Variants in MYO16 observed in about 807,000 individuals in gnomAD.
MYO16 encodes the protein unconventional myosin-XVI.
A neutral mutation model predicts 205.3 loss-of-function variants in MYO16; 94 were observed. The observed-to-expected ratio is 0.46, with a 90% CI of 0.39 to 0.54. The LOEUF (loss-of-function observed/expected upper bound fraction) is 0.54. Ranked by LOEUF, MYO16 falls within the 20% of genes least tolerant of loss-of-function variation. The pLI is 0.00. For missense variants in MYO16, 2,315 were observed against 2,387.5 expected (o/e 0.97, Z 0.63); for synonymous variants, 988 against 954.0 (o/e 1.04, Z -0.66).
chr13:109,145,698 C>T (rs886819038), intron 32 of MYO16, among the ~76,000 whole-genome samples: 4 of 152,198 alleles, frequency 2.6e-5, no homozygotes, highest in Admixed American at 2.0e-4. Context: ...CTATGAGACC[C>T]GATTCAAATG....
chr13:109,025,005 G>A (rs1022940784), intron 23 of MYO16, among the ~76,000 whole-genome samples: 1 of 152,180 alleles, frequency 6.6e-6, no homozygotes, highest in African/African-American at 2.4e-5. Flanking sequence ...TTGGACAATA[G>A]GAGGAACATT....
At chr13:108,638,413 T>C (rs1037691049) in intron 1 of MYO16, among the ~76,000 whole-genome samples, 3 of 152,200 alleles carry the variant, frequency 2.0e-5, no homozygotes, top group African/African-American at 7.2e-5. Flanking sequence ...TTTTAAAAAA[T>C]TCATTGCTTC....
At chr13:108,516,591 G>A in the MYO16 span, among the ~76,000 whole-genome samples, 3 of 152,266 alleles carry the variant, frequency 2.0e-5, no homozygotes, top group South Asian at 4.1e-4. Flanking sequence ...ACAGGCACAC[G>A]TAACAAATTA....
intron 34 of MYO16, among the ~76,000 whole-genome samples, chr13:109,182,730 T>C (rs1879506329): frequency 6.6e-6 from 1 of 152,244 alleles, no homozygotes. Context: ...CATTTTCTGA[T>C]AGGGCTGGAG....
At chr13:108,839,420 A>T (rs908507889) in intron 9 of MYO16, among the ~76,000 whole-genome samples, 2 of 151,246 alleles carry the variant, frequency 1.3e-5, no homozygotes, top group Non-Finnish European at 2.9e-5. Flanking sequence ...TTTCATAGTA[A>T]TTTTTTTTTC....
At chr13:108,775,820 A>G (rs1037082477) in intron 4 of MYO16, among the ~76,000 whole-genome samples, 3 of 152,202 alleles carry the variant, frequency 2.0e-5, no homozygotes, top group Admixed American at 1.3e-4. Context: ...CAATTAATTC[A>G]TTCAACGGGA....
At chr13:108,673,246 C>T (rs921535068) in intron 2 of MYO16, among the ~76,000 whole-genome samples, 13 of 152,088 alleles carry the variant, frequency 8.5e-5, no homozygotes, top group African/African-American at 2.9e-4. Flanking sequence ...TTTATTCCTG[C>T]TTTCTAGTGG....
intron 4 of MYO16, among the ~76,000 whole-genome samples, chr13:108,755,489 C>T (rs1885392714): frequency 6.6e-6 from 1 of 150,822 alleles, no homozygotes; most frequent in Non-Finnish European, 1.5e-5. Flanking sequence ...TTTATCTTAA[C>T]TTTAACATAA....
intron 23 of MYO16, among the ~76,000 whole-genome samples, chr13:109,044,443 A>T (rs1886975789): frequency 6.6e-6 from 1 of 152,176 alleles, no homozygotes; most frequent in Non-Finnish European, 1.5e-5. Flanking sequence ...AGGCATTTGG[A>T]TGAGATCTTT....
the MYO16 span, among the ~76,000 whole-genome samples, chr13:108,509,739 T>C: frequency 6.6e-6 from 1 of 152,348 alleles, no homozygotes; most frequent in East Asian, 1.9e-4. Flanking sequence ...ATGGCACATG[T>C]ATACATATGT....
chr13:109,155,044 G>A (rs1040434009), intron 32 of MYO16, among the ~76,000 whole-genome samples: 5 of 151,392 alleles, frequency 3.3e-5, no homozygotes, highest in African/African-American at 4.8e-5. Flanking sequence ...AATTTAAAAG[G>A]AAATTGGCAC....
At chr13:108,737,527 G>A (rs1189436914) in intron 4 of MYO16, among the ~76,000 whole-genome samples, 5 of 152,154 alleles carry the variant, frequency 3.3e-5, no homozygotes, top group Non-Finnish European at 4.4e-5. Flanking sequence ...ATGTGCTGCT[G>A]GATTCGGTTT....
intron 13 of MYO16, among the ~76,000 whole-genome samples, chr13:108,886,900 A>C (rs1350699821): frequency 6.6e-6 from 1 of 152,032 alleles, no homozygotes; most frequent in Non-Finnish European, 1.5e-5. Flanking sequence ...TGTTTTAGTG[A>C]TTCTCTTTCT....
chr13:109,097,070 C>T (rs1310852290), intron 27 of MYO16, among the ~76,000 whole-genome samples: 3 of 152,224 alleles, frequency 2.0e-5, no homozygotes, highest in African/African-American at 7.2e-5. Flanking sequence ...TGGCTCACAC[C>T]TGTAATCCCA....
chr13:108,808,453 A>G (rs1887182759), intron 7 of MYO16, among the ~76,000 whole-genome samples: 1 of 151,950 alleles, frequency 6.6e-6, no homozygotes, highest in Non-Finnish European at 1.5e-5. Context: ...CTGGGACTAC[A>G]GGCGCTCACC....
chr13:108,917,453 A>G (rs1043665367), intron 16 of MYO16, among the ~76,000 whole-genome samples: 1 of 152,236 alleles, frequency 6.6e-6, no homozygotes, highest in Non-Finnish European at 1.5e-5. Flanking sequence ...TGAAGGTCAG[A>G]ATGCAAGTGT....
At chr13:108,702,409 A>G (rs1281345786) in intron 2 of MYO16, among the ~76,000 whole-genome samples, 2 of 152,216 alleles carry the variant, frequency 1.3e-5, no homozygotes, top group East Asian at 3.8e-4. Flanking sequence ...TCAAAGTGCT[A>G]AAAAGGAAGA....
intron 33 of MYO16, among the ~76,000 whole-genome samples, chr13:109,176,945 C>T (rs535748470): frequency 1.1e-4 from 17 of 152,234 alleles, no homozygotes; most frequent in Admixed American, 9.2e-4. Context: ...AATGAAATAC[C>T]TTTGAACTCA....
At chr13:108,878,993 G>C (rs1219505827) in intron 12 of MYO16, among the ~76,000 whole-genome samples, 4 of 152,216 alleles carry the variant, frequency 2.6e-5, no homozygotes, top group African/African-American at 9.6e-5. Flanking sequence ...ACTGTGTGAT[G>C]ACTTCAGTTT....
Sources: gnomAD v4.1 joint callset for allele counts (sites outside exome capture counted in the v4.1 genomes callset) on GRCh38, gnomAD v4.1.1 for gene constraint, MANE v1.5 for transcripts, NCBI Gene and HGNC (gene_info 2026-07-23, HGNC 2026-07-21) for gene names.